SLC17A8: variants seen among roughly 807,000 people sequenced by gnomAD.
SLC17A8 encodes the protein vesicular glutamate transporter 3.
SLC17A8 carries 31 observed loss-of-function variants against 58.0 expected under a neutral mutation model. The ratio of observed to expected loss-of-function variants is 0.53; its 90% CI spans 0.40 to 0.72. The LOEUF (loss-of-function observed/expected upper bound fraction) is 0.72, where lower values mean the gene tolerates loss of function less well. Ranked by LOEUF, SLC17A8 falls within the 30% of genes least tolerant of loss-of-function variation. SLC17A8 has a pLI of 0.00. For synonymous variants in SLC17A8, 228 were observed against 249.0 expected, an observed-to-expected ratio of 0.92 and a Z score of 0.79; for missense variants, 655 against 727.8, an observed-to-expected ratio of 0.90 and a Z score of 1.15.
At chr12:100,395,892 C>T (rs1156659447) in intron 4 of SLC17A8, among the ~76,000 whole-genome samples, 3 of 152,234 alleles carry the variant, frequency 2.0e-5, no homozygotes, top group Non-Finnish European at 4.4e-5. Flanking sequence ...GGACTACAGG[C>T]GTGAGCCACC....
At chr12:100,404,702 T>C (rs1035048008) in intron 9 of SLC17A8, among the ~76,000 whole-genome samples, 2 of 152,250 alleles carry the variant, frequency 1.3e-5, no homozygotes, top group Non-Finnish European at 2.9e-5. Context: ...GCTTTTAAAA[T>C]TAACATTTAT....
At position 100,391,105 on chromosome 12, in the gene SLC17A8, G is replaced by A. The variant is rs866915684; in HGVS notation, c.459G>A (p.Lys153=). Residue 153 remains lysine, a synonymous_variant, in exon 3 of 12, where the codon AAG becomes AAA. Transcript: ENST00000323346. ...TQIPGGFISN[K]FAANRVFGAA... ...TTCCAGGTGGTTTCATTTCAAACAA[G>A]TTTGCTGCTAACAGGTAAGATAAAT... 1 of 1,608,500 alleles carries A rather than the reference G, an allele frequency of 6.2e-7. No homozygotes were observed. Among genetic ancestry groups the A allele is most frequent in the Non-Finnish European group, 8.5e-7 (1 of 1,175,060 alleles).
intron 1 of SLC17A8, among the ~76,000 whole-genome samples, chr12:100,363,143 G>A (rs906512106): frequency 6.6e-6 from 1 of 152,144 alleles, no homozygotes; most frequent in Admixed American, 6.5e-5. Context: ...AGCAGCAGTC[G>A]TAACCATATG....
chr12:100,394,398 C>CTTTTTT (rs34047250), intron 4 of SLC17A8, among the ~76,000 whole-genome samples: 2 of 112,752 alleles, frequency 1.8e-5, no homozygotes, highest in South Asian at 2.8e-4. Flanking sequence ...ACATCTTTTC[C>CTTTTTT]TTTTTTTTTT....
rs61451129 is a variant in SLC17A8, at chr12:100,358,007, AAT to A, written c.101+516_101+517del. 9.0e-3 allele frequency among the ~76,000 whole-genome samples: 1,375 copies of A among 152,336 alleles called. 19 individuals are homozygous for A. Among genetic ancestry groups the A allele is most frequent in the African/African-American group, 0.031 (1,273 of 41,574 alleles). ...TTAATTTGAAGGAAGTAACTTAAAAAATGTCTTTGAAGCAGAAAATCTCACAT... is the reference window on the plus strand; with the variant it reads ...TTAATTTGAAGGAAGTAACTTAAAAAGTCTTTGAAGCAGAAAATCTCACAT... On this transcript the variant is annotated intron_variant, in intron 1 of 11. Transcript: ENST00000323346.
intron 3 of SLC17A8, among the ~76,000 whole-genome samples, chr12:100,392,635 A>G (rs189320294): frequency 9.5e-4 from 145 of 152,300 alleles, no homozygotes; most frequent in Non-Finnish European, 1.7e-3. Flanking sequence ...AAAAAAAATC[A>G]CACATAATCT....
intron 4 of SLC17A8, among the ~76,000 whole-genome samples, chr12:100,393,875 A>G (rs974391821): frequency 2.6e-5 from 4 of 152,306 alleles, no homozygotes; most frequent in Middle Eastern, 3.4e-3. Context: ...ATTTAATTCA[A>G]TGAAGGAGGC....
chr12:100,420,358 A>T lies in SLC17A8; in HGVS notation c.*199A>T. On this transcript the variant is annotated 3_prime_UTR_variant, in exon 12 of 12. Transcript: ENST00000323346. The stretch of plus-strand genomic sequence containing the variant: ...CTGCGCTCAGTTGATAACATAGTTG[A>T]TAATACATATTTTTTGAATTGACAG... The T allele has an allele frequency of 1.8e-6, 1 of 561,272 alleles. No homozygotes were observed. 34.8% of individuals were successfully genotyped at this position (561,272 alleles called of 1,614,324 possible). A position where few individuals can be genotyped will look rare whatever the true frequency, so the allele number is the denominator to read the frequency against.
chr12:100,416,760 G>T (rs557836311), intron 10 of SLC17A8, among the ~76,000 whole-genome samples: 21 of 152,206 alleles, frequency 1.4e-4, no homozygotes, highest in African/African-American at 4.8e-4. Flanking sequence ...CATGCATGTT[G>T]GTTTACACGT....
intron 6 of SLC17A8, 29 bp downstream of exon 6, chr12:100,401,892 T>C: frequency 6.4e-7 from 1 of 1,561,760 alleles, no homozygotes. Context: ...CAAGTTCACA[T>C]GTGACTCATA....
At chr12:100,393,549 C>A in intron 4 of SLC17A8, 66 bp downstream of exon 4, 1 of 1,194,468 alleles carries the variant, frequency 8.4e-7, no homozygotes, top group Non-Finnish European at 1.2e-6. Context: ...AGAAAATTCA[C>A]CTTCTGAAGA....
At chr12:100,372,454 C>A (rs149038086) in intron 1 of SLC17A8, among the ~76,000 whole-genome samples, 1 of 152,202 alleles carries the variant, frequency 6.6e-6, no homozygotes, top group African/African-American at 2.4e-5. Flanking sequence ...CTTAAGTGAT[C>A]CTCTCCCCTC....
intron 5 of SLC17A8, among the ~76,000 whole-genome samples, chr12:100,400,743 C>G (rs1952785178): frequency 6.6e-6 from 1 of 152,088 alleles, no homozygotes; most frequent in Middle Eastern, 3.4e-3. Flanking sequence ...CTTCTCCTTT[C>G]AGCTAATAAC....
At chr12:100,363,001 CAT>C (rs2135968531) in intron 1 of SLC17A8, among the ~76,000 whole-genome samples, 2 of 152,288 alleles carry the variant, frequency 1.3e-5, no homozygotes, top group South Asian at 4.2e-4. Context: ...GGGTGCCAAA[CAT>C]ATTTCTTCCT....
At chr12:100,374,036 C>A (rs748308934) in intron 1 of SLC17A8, among the ~76,000 whole-genome samples, 10 of 152,184 alleles carry the variant, frequency 6.6e-5, no homozygotes, top group Non-Finnish European at 1.5e-4. Context: ...AATGTCTATT[C>A]ATTTATTGGT....
chr12:100,360,612 A>C (rs917498329), intron 1 of SLC17A8, among the ~76,000 whole-genome samples: 4 of 152,182 alleles, frequency 2.6e-5, no homozygotes, highest in African/African-American at 9.6e-5. Context: ...AATTTTACAG[A>C]TGAGAAAACT....
rs1052281242 is a variant in SLC17A8 at position 100,388,679 on chromosome 12, G to A, written c.355-2322G>A. Among the ~76,000 whole-genome samples, 6 of 152,142 alleles carry A rather than the reference G, an allele frequency of 3.9e-5. No individual in the cohort carries two copies. In the South Asian group the frequency reaches 6.2e-4, roughly 16 times the overall value. On this transcript the variant is annotated intron_variant, in intron 2 of 11. Coordinates refer to ENST00000323346, the MANE Select transcript of SLC17A8 (RefSeq NM_139319.3). ...CAGGACGAACGTTGAACAGATGGGCGGATAAATATGTAATAACTTGTGACA... is the reference window on the plus strand; with the variant it reads ...CAGGACGAACGTTGAACAGATGGGCAGATAAATATGTAATAACTTGTGACA...
At chr12:100,405,755 T>C (rs1566401872) in intron 9 of SLC17A8, among the ~76,000 whole-genome samples, 1 of 152,184 alleles carries the variant, frequency 6.6e-6, no homozygotes. Context: ...GAATAGATCT[T>C]AAAGACCCCT....
intron 10 of SLC17A8, among the ~76,000 whole-genome samples, chr12:100,416,543 T>C (rs1360519074): frequency 2.6e-5 from 4 of 152,148 alleles, no homozygotes; most frequent in Non-Finnish European, 5.9e-5. Flanking sequence ...TTCAGTTTTT[T>C]TTTTTGCACA....
Sources: allele counts gnomAD v4.1 joint callset (sites outside exome capture counted in the v4.1 genomes callset), GRCh38; gene constraint gnomAD v4.1.1; transcripts MANE v1.5; gene names NCBI Gene and HGNC (gene_info 2026-07-23, HGNC 2026-07-21).